Variants in CERK observed in about 807,000 individuals in gnomAD.
The protein encoded by CERK is acylsphingosine kinase.
A neutral mutation model predicts 63.4 loss-of-function variants in CERK; 39 were observed. That is an observed-to-expected ratio of 0.61 (90% CI 0.48 to 0.80). CERK has a LOEUF of 0.80. CERK is among the 30% of genes least tolerant of loss of function. The pLI, the probability that CERK is intolerant of heterozygous loss-of-function variation, is 0.00. For synonymous variants in CERK, 302 were observed against 280.0 expected (o/e 1.08, Z -0.78); for missense variants, 670 against 714.1 (o/e 0.94, Z 0.70).
chr22:46,734,562 G>A (rs113085555), intron 1 of CERK, among the ~76,000 whole-genome samples: 15 of 152,322 alleles, frequency 9.8e-5, no homozygotes, highest in Non-Finnish European at 1.5e-4. Context: ...GCTGCGATCC[G>A]GGTGATGTTT....
intron 12 of CERK, among the ~76,000 whole-genome samples, chr22:46,688,413 T>G (rs2082714051): frequency 6.6e-6 from 1 of 152,232 alleles, no homozygotes; most frequent in African/African-American, 2.4e-5. Context: ...CTTCCCAAAC[T>G]TGTCAAATGA....
chr22:46,725,393 C>T (rs1190591445), intron 1 of CERK, among the ~76,000 whole-genome samples: 1 of 152,098 alleles, frequency 6.6e-6, no homozygotes, highest in Non-Finnish European at 1.5e-5. Flanking sequence ...CGAGGGCTGG[C>T]ACACAGAAGA....
At chr22:46,721,546 A>C (rs1232182215) in intron 1 of CERK, among the ~76,000 whole-genome samples, 1 of 152,126 alleles carries the variant, frequency 6.6e-6, no homozygotes, top group Non-Finnish European at 1.5e-5. Context: ...CGAGTCACCA[A>C]ATGGAGGCTG....
At chr22:46,707,751 T>C in intron 6 of CERK, 92 bp downstream of exon 6, 1 of 1,393,190 alleles carries the variant, frequency 7.2e-7, no homozygotes, top group Non-Finnish European at 9.8e-7. Flanking sequence ...TGAGTATAAT[T>C]GGGTTATTAA....
rs1601722177 is a variant in CERK at position 46,714,548 on chromosome 22, T to C, written c.380-2255A>G. Among the ~76,000 whole-genome samples, 1 of 152,258 alleles carries C rather than the reference T, an allele frequency of 6.6e-6. No homozygotes were observed. Among genetic ancestry groups the C allele is most frequent in the East Asian group, 1.9e-4 (1 of 5,188 alleles). ...TGGTTAAACTTCTCAAAAAGCAAAA[T>C]TTGTCAGAGATACCAGAAGAAATAG... On this transcript the variant is annotated intron_variant, in intron 3 of 12. Transcript: ENST00000216264. The surrounding 1 kb of genome is among the most constrained non-coding windows in gnomAD (Gnocchi z 4.4).
intron 7 of CERK, among the ~76,000 whole-genome samples, chr22:46,701,234 G>A (rs1340380274): frequency 6.6e-6 from 1 of 152,228 alleles, no homozygotes; most frequent in Non-Finnish European, 1.5e-5. Flanking sequence ...AGAGGCATGC[G>A]TTCCACAGCT....
chr22:46,687,228 T>G, intron 12 of CERK, 22 bp from the exon 13 acceptor site: 1 of 1,610,480 alleles, frequency 6.2e-7, no homozygotes, highest in Non-Finnish European at 8.5e-7. Context: ...AGCGGCCACG[T>G]GTAAACCCCA....
At chr22:46,718,386 G>A (rs1330059268) in intron 3 of CERK, among the ~76,000 whole-genome samples, 2 of 152,088 alleles carry the variant, frequency 1.3e-5, no homozygotes, top group East Asian at 1.9e-4. Flanking sequence ...AGGGGGAGTC[G>A]AGAGACAAAC....
At chr22:46,698,118 C>T (rs1450093450) in intron 8 of CERK, among the ~76,000 whole-genome samples, 1 of 152,228 alleles carries the variant, frequency 6.6e-6, no homozygotes, top group East Asian at 1.9e-4. Context: ...CCACCACAGT[C>T]TGAGGACCAC....
chr22:46,692,293 G>A (rs2082735766), intron 10 of CERK, among the ~76,000 whole-genome samples: 1 of 151,984 alleles, frequency 6.6e-6, no homozygotes, highest in Non-Finnish European at 1.5e-5. Context: ...AGGCGTGGCG[G>A]TGCATGCCTG....
chr22:46,732,974 C>T (rs1238522856), intron 1 of CERK, among the ~76,000 whole-genome samples: 1 of 151,750 alleles, frequency 6.6e-6, no homozygotes, highest in African/African-American at 2.4e-5. Flanking sequence ...TTAAGGAGGC[C>T]AAAGAGGGAG....
intron 7 of CERK, among the ~76,000 whole-genome samples, chr22:46,699,810 C>T (rs1488718238): frequency 3.3e-5 from 5 of 152,322 alleles, no homozygotes; most frequent in Non-Finnish European, 4.4e-5. Context: ...AAAATCAAGC[C>T]GAGTGCAGTG....
At chr22:46,723,318 C>T (rs1193552768) in intron 1 of CERK, among the ~76,000 whole-genome samples, 1 of 152,132 alleles carries the variant, frequency 6.6e-6, no homozygotes, top group South Asian at 2.1e-4. Context: ...TATTGAGGAA[C>T]GTCAAGAATA....
Position 46,738,134 on chromosome 22 carries a change from C to T in CERK, c.15G>A (p.Gly5=). 1 of 1,215,410 alleles carries T rather than the reference C, an allele frequency of 8.2e-7. No homozygotes were observed. Among genetic ancestry groups the T allele is most frequent in the South Asian group, 2.6e-5 (1 of 38,810 alleles). The allele number at this position is 1,215,410 out of a possible 1,614,324, so 75.3% of individuals were successfully genotyped here. ...GCACGGATTGCAGCGGCTCCGCCGC[C>T]CCCGTCGCCCCCATCTCCGCCGCCG... MGAT[G]AAEPLQSVLW... The change falls in exon 1 of 13, where the codon GGG becomes GGA. Residue 5 remains glycine, a synonymous_variant. Coordinates refer to ENST00000216264, the MANE Select transcript of CERK (RefSeq NM_022766.6).
chr22:46,737,583 T>C (rs1176136050), intron 1 of CERK, among the ~76,000 whole-genome samples: 1 of 152,248 alleles, frequency 6.6e-6, no homozygotes, highest in Admixed American at 6.5e-5. Flanking sequence ...TTCGGATCCC[T>C]GCTAAAGAAA....
intron 1 of CERK, among the ~76,000 whole-genome samples, chr22:46,734,792 C>T (rs1204281040): frequency 6.6e-6 from 1 of 152,170 alleles, no homozygotes; most frequent in Non-Finnish European, 1.5e-5. Context: ...ACGTCTAAGT[C>T]GAAGAGTGAC....
In CERK at chr22:46,702,138, G is replaced by A. The variant is rs1056648219; in HGVS notation, c.716-428C>T. 3.0e-5 allele frequency among the ~76,000 whole-genome samples: 4 copies of A among 132,224 alleles called. No homozygotes were observed. In the East Asian group the frequency reaches 6.9e-4, roughly 23 times the overall value. 86.7% of individuals were successfully genotyped at this position (132,224 alleles called of 152,430 possible). A position where few individuals can be genotyped will look rare whatever the true frequency, so the allele number is the denominator to read the frequency against. On this transcript the variant is annotated intron_variant, in intron 6 of 12. Transcript: ENST00000216264. ...AAAGGCTGCAGTGAGTCGAGATCGCGCCACTATCCAGCCTGGGCAACAGAG... is the reference window on the plus strand; with the variant it reads ...AAAGGCTGCAGTGAGTCGAGATCGCACCACTATCCAGCCTGGGCAACAGAG...
At chr22:46,719,055 G>A (rs772481121) in intron 3 of CERK, among the ~76,000 whole-genome samples, 2 of 152,074 alleles carry the variant, frequency 1.3e-5, no homozygotes, top group Non-Finnish European at 2.9e-5. Context: ...GTGACAGAGC[G>A]AGACCCTGTC....
chr22:46,733,124 T>A (rs2082953866), intron 1 of CERK, among the ~76,000 whole-genome samples: 1 of 141,222 alleles, frequency 7.1e-6, no homozygotes, highest in African/African-American at 2.7e-5. Context: ...AGGTGAATGG[T>A]GTGAACCCGG....
Sources: allele counts gnomAD v4.1 joint callset (sites outside exome capture counted in the v4.1 genomes callset), GRCh38; gene constraint gnomAD v4.1.1; non-coding constraint Gnocchi (gnomAD v3.1); transcripts MANE v1.5; gene names NCBI Gene and HGNC (gene_info 2026-07-23, HGNC 2026-07-21).